The following MEF2C variants were observed in gnomAD, a reference collection of about 807,000 sequenced individuals.
MEF2C encodes the protein myocyte enhancer factor 2C, also known as myocyte-specific enhancer factor 2C.
In MEF2C, 6 loss-of-function variants were observed where a neutral mutation model predicts 50.5. The observed-to-expected ratio is 0.12, with a 90% confidence interval of 0.07 to 0.23. MEF2C has a LOEUF of 0.23. Ranked by LOEUF, MEF2C falls within the 10% of genes least tolerant of loss-of-function variation. The pLI is 1.00. For synonymous variants in MEF2C, 183 were observed against 228.0 expected (o/e 0.80, Z 1.78); for missense variants, 276 against 605.0 (o/e 0.46, Z 5.70).
intron 6 of MEF2C, chr5:88,740,900 G>T: frequency 1.0e-6 from 1 of 985,212 alleles, no homozygotes; most frequent in African/African-American, 1.7e-5. Flanking sequence ...TGACACAATC[G>T]CTCATTCTTT....
At chr5:88,777,275 T>C (rs1785225945) in intron 3 of MEF2C, among the ~76,000 whole-genome samples, 3 of 152,212 alleles carry the variant, frequency 2.0e-5, no homozygotes, top group African/African-American at 4.8e-5. Context: ...AATATTTTAA[T>C]TGAATCCATT....
chr5:88,740,623 T>A (rs1016236926), intron 6 of MEF2C: 6 of 984,516 alleles, frequency 6.1e-6, no homozygotes, highest in Non-Finnish European at 7.2e-6. Context: ...AGATTTAGCA[T>A]GCATCCTTGT....
intron 1 of MEF2C, among the ~76,000 whole-genome samples, chr5:88,856,133 G>A (rs1224872629): frequency 6.6e-6 from 1 of 152,162 alleles, no homozygotes; most frequent in Non-Finnish European, 1.5e-5. Context: ...CTGGTGTAAA[G>A]GTAACTCCTG....
chr5:88,829,579 T>C (rs753358335), intron 1 of MEF2C, among the ~76,000 whole-genome samples: 41 of 152,184 alleles, frequency 2.7e-4, no homozygotes, highest in Non-Finnish European at 5.4e-4. Context: ...TTTCTTCAGC[T>C]TCTACTTTTA....
At chr5:88,767,152 A>T (rs1047120629) in intron 3 of MEF2C, among the ~76,000 whole-genome samples, 2 of 152,206 alleles carry the variant, frequency 1.3e-5, no homozygotes, top group Non-Finnish European at 2.9e-5. Flanking sequence ...ACTTCATTTA[A>T]AATTTATTCG....
intron 3 of MEF2C, among the ~76,000 whole-genome samples, chr5:88,803,363 C>A (rs1284586987): frequency 6.6e-6 from 1 of 151,964 alleles, no homozygotes; most frequent in Non-Finnish European, 1.5e-5. Flanking sequence ...CAAATAAAAA[C>A]AAAGAAATGA....
intron 1 of MEF2C, among the ~76,000 whole-genome samples, chr5:88,871,336 T>C (rs1829450097): frequency 6.6e-6 from 1 of 151,988 alleles, no homozygotes; most frequent in African/African-American, 2.4e-5. Context: ...TCCATCATCT[T>C]CATGCAGACT....
chr5:88,821,456 C>T (rs556491211), intron 2 of MEF2C, among the ~76,000 whole-genome samples: 2 of 151,862 alleles, frequency 1.3e-5, no homozygotes, highest in East Asian at 3.9e-4. Flanking sequence ...TAAGAGATTG[C>T]ATCTCCTTAT....
At chr5:88,745,827 TACAA>T (rs1018744077) in intron 6 of MEF2C, among the ~76,000 whole-genome samples, 1 of 152,116 alleles carries the variant, frequency 6.6e-6, no homozygotes, top group Non-Finnish European at 1.5e-5. Flanking sequence ...AACACACACA[TACAA>T]ACACACAGTA....
At chr5:88,763,660 T>C (rs892754033) in intron 3 of MEF2C, among the ~76,000 whole-genome samples, 5 of 151,694 alleles carry the variant, frequency 3.3e-5, no homozygotes, top group Admixed American at 1.3e-4. Flanking sequence ...TTCTTTCTTT[T>C]TTTTTTTTTT....
At chr5:88,867,757 A>G (rs1827885151) in intron 1 of MEF2C, among the ~76,000 whole-genome samples, 1 of 152,224 alleles carries the variant, frequency 6.6e-6, no homozygotes, top group African/African-American at 2.4e-5. Context: ...TTATATTTAT[A>G]GAAGATCAGT....
chr5:88,746,526 C>T lies in MEF2C; in HGVS notation c.637+2544G>A, dbSNP rs150935620. ...AAAAGTAACGTAATTGCAGTCTCGC[C>T]ACTTGGCCTCAAGAGTTTCAAACTT... On this transcript the variant is annotated intron_variant, in intron 6 of 10. Transcript: ENST00000504921. The T allele has an allele frequency of 1.9e-5, 19 of 985,152 alleles. No homozygotes were observed. In the African/African-American group the frequency reaches 3.1e-4, roughly 16 times the overall value. 61.0% of individuals were successfully genotyped at this position (985,152 alleles called of 1,614,324 possible).
chr5:88,863,984 G>A (rs1043493964), intron 1 of MEF2C, among the ~76,000 whole-genome samples: 2 of 151,824 alleles, frequency 1.3e-5, no homozygotes, highest in Non-Finnish European at 2.9e-5. Context: ...ACCACGCTTG[G>A]CTCTATTTTG....
chr5:88,895,810 T>C (rs1402089219), intron 1 of MEF2C, among the ~76,000 whole-genome samples: 1 of 152,142 alleles, frequency 6.6e-6, no homozygotes, highest in Non-Finnish European at 1.5e-5. Flanking sequence ...GCCGCCCCTT[T>C]ATGTCCGCGG....
chr5:88,825,224 A>T (rs1810302155), intron 1 of MEF2C, among the ~76,000 whole-genome samples: 2 of 149,788 alleles, frequency 1.3e-5, no homozygotes, highest in East Asian at 2.0e-4. Flanking sequence ...CTGTCTTCTG[A>T]TTTCTTTAAT....
intron 2 of MEF2C, among the ~76,000 whole-genome samples, chr5:88,812,133 T>C (rs918917978): frequency 3.3e-5 from 5 of 152,170 alleles, no homozygotes; most frequent in Admixed American, 2.0e-4. Flanking sequence ...ACTGGTCTCC[T>C]AGGACCTGTC....
chr5:88,788,893 T>C (rs1792351189), intron 3 of MEF2C, among the ~76,000 whole-genome samples: 1 of 152,166 alleles, frequency 6.6e-6, no homozygotes, highest in Non-Finnish European at 1.5e-5. Context: ...TTTCTGGAAC[T>C]AACCACAGAG....
At chr5:88,802,696 A>T (rs1463589215) in intron 3 of MEF2C, among the ~76,000 whole-genome samples, 1 of 152,180 alleles carries the variant, frequency 6.6e-6, no homozygotes, top group Non-Finnish European at 1.5e-5. Context: ...CAATCTGCCC[A>T]CCTAGGCCTC....
In MEF2C at chr5:88,719,267, T is replaced by A. The variant is rs1755484923; in HGVS notation, c.*3337A>T. 6.6e-6 allele frequency: 1 copy of A among 152,218 alleles called. No homozygotes were observed. Among genetic ancestry groups the A allele is most frequent in the South Asian group, 2.1e-4 (1 of 4,836 alleles). 9.4% of individuals were successfully genotyped at this position (152,218 alleles called of 1,614,324 possible). A position where few individuals can be genotyped will look rare whatever the true frequency, so the allele number is the denominator to read the frequency against. ...GATCTGGGGATGACAGGTATTTTTA[T>A]ATTCATCATTACAAAATGCTAAATT... On this transcript the variant is annotated 3_prime_UTR_variant, in exon 11 of 11. Transcript: ENST00000504921.
Sources: gnomAD v4.1 joint callset for allele counts (sites outside exome capture counted in the v4.1 genomes callset) on GRCh38, gnomAD v4.1.1 for gene constraint, MANE v1.5 for transcripts, NCBI Gene and HGNC (gene_info 2026-07-23, HGNC 2026-07-21) for gene names.